TTC27: variants seen among roughly 807,000 people sequenced by gnomAD.
TTC27 encodes tetratricopeptide repeat protein 27.
Under a neutral mutation model 115.9 loss-of-function variants are expected in TTC27, and 79 were observed. The observed-to-expected ratio is 0.68, with a 90% CI of 0.57 to 0.82. TTC27 has a LOEUF of 0.82. Among genes scored for constraint, TTC27 ranks in the 40% least tolerant of loss-of-function variants. The pLI is 0.00. For synonymous variants in TTC27, 401 were observed against 356.0 expected (o/e 1.13, Z -1.42); for missense variants, 1,054 against 993.1 (o/e 1.06, Z -0.82).
chr2:32,814,740 A>G (rs1301656978), intron 18 of TTC27, among the ~76,000 whole-genome samples: 2 of 152,212 alleles, frequency 1.3e-5, no homozygotes, highest in African/African-American at 4.8e-5. Context: ...GTACAGTCAC[A>G]TGCTGTACAG....
At chr2:32,702,987 T>C in intron 10 of TTC27, 67 bp downstream of exon 10, 1 of 1,092,116 alleles carries the variant, frequency 9.2e-7, no homozygotes, top group Non-Finnish European at 1.4e-6. Context: ...AGCATACATG[T>C]TTGCTATGAA....
intron 10 of TTC27, among the ~76,000 whole-genome samples, chr2:32,716,736 G>A (rs1667764938): frequency 6.6e-6 from 1 of 151,672 alleles, no homozygotes; most frequent in African/African-American, 2.4e-5. Flanking sequence ...CTGTTTTCCA[G>A]GCTGGAGTGC....
At position 32,733,902 on chromosome 2, in the gene TTC27, A is replaced by G. The variant is rs1390400245; in HGVS notation, c.1308A>G (p.Val436=). ...TGAAGATTTTCTATTGCTGTCAAGT[A>G]CCACCTCACTGGGCCATTCAGGTAT... ...ERLKIFYCCQ[V]PPHWAIQRQL... The change falls in exon 11 of 20, where the codon GTA becomes GTG. Residue 436 remains valine, a synonymous_variant. Transcript: ENST00000317907. 6.2e-7 allele frequency: 1 copy of G among 1,611,790 alleles called. No homozygotes were observed. The highest frequency in any genetic ancestry group is 8.5e-7 in the Non-Finnish European group (1 of 1,178,790).
intron 16 of TTC27, among the ~76,000 whole-genome samples, chr2:32,808,556 A>T (rs10169772): frequency 0.66 from 100,000 of 152,010 alleles, 33,919 homozygotes; most frequent in African/African-American, 0.83. Flanking sequence ...AACAGACAGA[A>T]GCTTCACCTC....
chr2:32,754,898 G>C (rs1472948501), intron 12 of TTC27, among the ~76,000 whole-genome samples: 3 of 149,992 alleles, frequency 2.0e-5, no homozygotes, highest in Non-Finnish European at 4.5e-5. Context: ...CCTCCCTCCC[G>C]GACGGGGTGG....
intron 13 of TTC27, among the ~76,000 whole-genome samples, chr2:32,775,268 G>A (rs1465590011): frequency 2.0e-5 from 3 of 152,200 alleles, no homozygotes; most frequent in Non-Finnish European, 4.4e-5. Flanking sequence ...CGCCATCTCA[G>A]CTCACTGCAA....
chr2:32,769,712 G>A (rs1023670215), intron 13 of TTC27, among the ~76,000 whole-genome samples: 1 of 152,306 alleles, frequency 6.6e-6, no homozygotes, highest in South Asian at 2.1e-4. Flanking sequence ...ACTGGAAAAT[G>A]AGAACATTAA....
At chr2:32,745,384 C>T (rs1290624406) in intron 12 of TTC27, among the ~76,000 whole-genome samples, 1 of 152,098 alleles carries the variant, frequency 6.6e-6, no homozygotes, top group Non-Finnish European at 1.5e-5. Flanking sequence ...GTCAATTCCA[C>T]ATCTCTAAAG....
In TTC27 at chr2:32,702,762, TAGCTTA is replaced by T. The variant is rs777315396; in HGVS notation, c.1120-44_1120-39del. Reference sequence around the variant, plus strand: ...TTGTCCTATTCAGAATGAGATCACCTAGCTTATCTCTTTTCTATGATTTTTTTCTTC... The same window carrying T: ...TTGTCCTATTCAGAATGAGATCACCTTCTCTTTTCTATGATTTTTTTCTTC... On this transcript the variant is annotated intron_variant, in intron 9 of 19. Coordinates refer to ENST00000317907, the MANE Select transcript of TTC27 (RefSeq NM_017735.5). 1.1e-5 allele frequency: 14 copies of T among 1,290,078 alleles called. No homozygotes were observed. The African/African-American group carries it at 1.9e-4, about 17-fold the overall frequency. The allele number at this position is 1,290,078 out of a possible 1,614,324, so 79.9% of individuals were successfully genotyped here.
chr2:32,633,762 T>C, intron 2 of TTC27, 114 bp from the exon 3 acceptor site: 1 of 1,246,096 alleles, frequency 8.0e-7, no homozygotes, highest in Non-Finnish European at 1.1e-6. Context: ...TAGGATAGTC[T>C]CAATAAATGT....
chr2:32,658,783 A>T (rs959939153), intron 5 of TTC27, among the ~76,000 whole-genome samples: 1 of 152,148 alleles, frequency 6.6e-6, no homozygotes, highest in African/African-American at 2.4e-5. Context: ...GCCTGTCTTT[A>T]TATGTAGTTA....
chr2:32,808,887 A>G (rs1041121988), intron 16 of TTC27, among the ~76,000 whole-genome samples: 1 of 152,230 alleles, frequency 6.6e-6, no homozygotes, highest in Admixed American at 6.5e-5. Context: ...TGCTTATAGA[A>G]TGATCACTTG....
At chr2:32,682,844 G>GGTTTT (rs1553550061) in intron 9 of TTC27, among the ~76,000 whole-genome samples, 5 of 56,988 alleles carry the variant, frequency 8.8e-5, no homozygotes, top group Non-Finnish European at 1.5e-4. Flanking sequence ...AATTTTTATT[G>GGTTTT]TTGTTTTTTT....
intron 13 of TTC27, among the ~76,000 whole-genome samples, chr2:32,767,444 T>A (rs984493740): frequency 4.5e-5 from 2 of 44,546 alleles, no homozygotes; most frequent in Non-Finnish European, 1.1e-4. Context: ...TATTTATAAG[T>A]TTTTTTTTGT....
intron 5 of TTC27, among the ~76,000 whole-genome samples, chr2:32,662,773 T>C (rs901611419): frequency 1.2e-4 from 18 of 152,186 alleles, no homozygotes; most frequent in Admixed American, 2.6e-4. Flanking sequence ...TGTCTCTATC[T>C]CCTTCAGTTC....
chr2:32,633,297 C>G (rs1036415434), intron 2 of TTC27, among the ~76,000 whole-genome samples: 1 of 152,096 alleles, frequency 6.6e-6, no homozygotes, highest in Non-Finnish European at 1.5e-5. Flanking sequence ...CTATTGAGCA[C>G]TTGAAATATG....
chr2:32,780,722 G>A (rs992803355), intron 14 of TTC27, among the ~76,000 whole-genome samples: 1 of 152,170 alleles, frequency 6.6e-6, no homozygotes, highest in East Asian at 1.9e-4. Context: ...TTACAGATGT[G>A]AGCCACTGTG....
intron 12 of TTC27, among the ~76,000 whole-genome samples, chr2:32,750,491 T>G (rs1482992878): frequency 6.6e-6 from 1 of 152,242 alleles, no homozygotes; most frequent in Non-Finnish European, 1.5e-5. Context: ...AAAGGGATTT[T>G]AGGAAACAGT....
At chr2:32,791,975 AT>A in intron 16 of TTC27, among the ~76,000 whole-genome samples, 1 of 152,214 alleles carries the variant, frequency 6.6e-6, no homozygotes, top group Non-Finnish European at 1.5e-5. Context: ...GTTATGGAAC[AT>A]TTTCATTACT....
Sources: allele counts gnomAD v4.1 joint callset (sites outside exome capture counted in the v4.1 genomes callset), GRCh38; gene constraint gnomAD v4.1.1; transcripts MANE v1.5; gene names NCBI Gene and HGNC (gene_info 2026-07-23, HGNC 2026-07-21).